The following TASP1 variants were observed in gnomAD, a reference collection of about 807,000 sequenced individuals.
TASP1 encodes the protein threonine aspartase 1.
Under a neutral mutation model 56.6 loss-of-function variants are expected in TASP1, and 16 were observed. The observed-to-expected ratio is 0.28, with a 90% CI of 0.19 to 0.43. The LOEUF (loss-of-function observed/expected upper bound fraction) is 0.43, where lower values mean the gene tolerates loss of function less well. TASP1 is among the 20% of genes least tolerant of loss of function. The pLI, the probability that TASP1 is intolerant of heterozygous loss-of-function variation, is 1.00. For missense variants in TASP1, 393 were observed against 511.6 expected, an observed-to-expected ratio of 0.77 and a Z score of 2.24; for synonymous variants, 179 against 184.2, an observed-to-expected ratio of 0.97 and a Z score of 0.23.
the TASP1 span, among the ~76,000 whole-genome samples, chr20:13,355,977 A>C: frequency 6.6e-6 from 1 of 152,254 alleles, no homozygotes; most frequent in Non-Finnish European, 1.5e-5. Context: ...TTGTAACTCA[A>C]CCACTGTTGC....
At chr20:13,149,027 G>A in the TASP1 span, among the ~76,000 whole-genome samples, 2 of 152,128 alleles carry the variant, frequency 1.3e-5, no homozygotes. Flanking sequence ...GGCTGTTCAG[G>A]TGGAGTTTGA....
intron 10 of TASP1, among the ~76,000 whole-genome samples, chr20:13,508,003 G>T (rs2044192310): frequency 6.6e-6 from 1 of 151,992 alleles, no homozygotes; most frequent in South Asian, 2.1e-4. Flanking sequence ...CAAAAATCGG[G>T]TTGAAAAAAC....
chr20:13,261,868 C>A, the TASP1 span, among the ~76,000 whole-genome samples: 4 of 152,210 alleles, frequency 2.6e-5, no homozygotes, highest in African/African-American at 9.7e-5. Context: ...TGTCCTTTGG[C>A]TTAATTTCCA....
intron 6 of TASP1, among the ~76,000 whole-genome samples, chr20:13,574,111 TG>T (rs1243862766): frequency 6.7e-6 from 1 of 148,552 alleles, no homozygotes; most frequent in Non-Finnish European, 1.5e-5. Context: ...ACAAATGAAA[TG>T]AAAGTTTAAA....
chr20:13,174,789 G>T, the TASP1 span, among the ~76,000 whole-genome samples: 3,873 of 151,970 alleles, frequency 0.025, 68 homozygotes, highest in South Asian at 0.034. Flanking sequence ...AAAATGTACA[G>T]GTCTCTTTGA....
chr20:13,241,402 A>T, the TASP1 span, among the ~76,000 whole-genome samples: 12 of 152,228 alleles, frequency 7.9e-5, no homozygotes, highest in African/African-American at 2.9e-4. Context: ...GAACGATCCA[A>T]TAGAAAGGGA....
rs187514338 is a variant in TASP1 at position 13,392,599 on chromosome 20, A to C, written c.1171-2147T>G. ...ATTCTAGGGCTATGTTTATGTAAAC[A>C]TGCAGAATCTTAAGGCACCCTGCTC... On this transcript the variant is annotated intron_variant, in intron 13 of 13. Coordinates refer to ENST00000337743, the MANE Select transcript of TASP1 (RefSeq NM_017714.3). 485 of 363,474 alleles carry C rather than the reference A, an allele frequency of 1.3e-3. 1 individual carries two copies. The highest frequency in any genetic ancestry group is 7.2e-3 in the Admixed American group (191 of 26,652). 22.5% of individuals were successfully genotyped at this position (363,474 alleles called of 1,614,324 possible).
chr20:13,504,527 A>G (rs2044060843), intron 10 of TASP1, among the ~76,000 whole-genome samples: 1 of 152,192 alleles, frequency 6.6e-6, no homozygotes, highest in Non-Finnish European at 1.5e-5. Context: ...ATCAAGGTAT[A>G]AAACTCGTTG....
the TASP1 span, among the ~76,000 whole-genome samples, chr20:13,131,016 A>G: frequency 6.6e-6 from 1 of 152,202 alleles, no homozygotes; most frequent in Non-Finnish European, 1.5e-5. Flanking sequence ...GGGATCACTC[A>G]GTGATTGAAG....
intron 4 of TASP1, among the ~76,000 whole-genome samples, chr20:13,612,463 A>C (rs6042245): frequency 6.6e-6 from 1 of 150,802 alleles, no homozygotes; most frequent in Non-Finnish European, 1.5e-5. Flanking sequence ...AAACATGATA[A>C]CCTTTTTAGA....
At chr20:13,507,149 A>G (rs565780460) in intron 10 of TASP1, among the ~76,000 whole-genome samples, 6 of 152,324 alleles carry the variant, frequency 3.9e-5, no homozygotes, top group Admixed American at 2.0e-4. Context: ...AGATATTAAG[A>G]AAATAATCCC....
At chr20:13,492,734 T>C (rs1025985440) in intron 10 of TASP1, among the ~76,000 whole-genome samples, 7 of 152,226 alleles carry the variant, frequency 4.6e-5, no homozygotes, top group Admixed American at 4.6e-4. Context: ...ACTTTGGTTA[T>C]TTATTGTAAT....
chr20:13,185,607 T>C, the TASP1 span, among the ~76,000 whole-genome samples: 4 of 152,200 alleles, frequency 2.6e-5, no homozygotes, highest in Admixed American at 6.5e-5. Flanking sequence ...GTTGCACACC[T>C]GTACTTGATT....
chr20:13,258,645 G>A, the TASP1 span, among the ~76,000 whole-genome samples: 4 of 151,958 alleles, frequency 2.6e-5, no homozygotes, highest in Admixed American at 6.5e-5. Context: ...CTCTTTTCTC[G>A]AACCTCAGTT....
chr20:13,582,527 A>T (rs1193841901), intron 5 of TASP1, among the ~76,000 whole-genome samples: 1 of 152,178 alleles, frequency 6.6e-6, no homozygotes, highest in African/African-American at 2.4e-5. Flanking sequence ...GAAAAAGAAA[A>T]ATGAAGAGTT....
At position 13,394,307 on chromosome 20, in the gene TASP1, C is replaced by CAAAAAAAAAAA. The variant is rs57418361; in HGVS notation, c.1171-3866_1171-3856dup. Among the ~76,000 whole-genome samples, 219 of 42,928 alleles carry CAAAAAAAAAAA rather than the reference C, an allele frequency of 5.1e-3. 7 individuals are homozygous for CAAAAAAAAAAA. The highest frequency in any genetic ancestry group is 0.013 in the African/African-American group (136 of 10,870). 28.2% of individuals were successfully genotyped at this position (42,928 alleles called of 152,430 possible). ...GCCACTGCACTACAGCACTCCCTCT[C>CAAAAAAAAAAA]AAAAAAAAAAAAAAAAAAAAAGGCC... On this transcript the variant is annotated intron_variant, in intron 13 of 13. Coordinates refer to ENST00000337743, the MANE Select transcript of TASP1 (RefSeq NM_017714.3).
the TASP1 span, among the ~76,000 whole-genome samples, chr20:13,129,966 T>A: frequency 6.6e-6 from 1 of 151,760 alleles, no homozygotes; most frequent in Non-Finnish European, 1.5e-5. Context: ...GAATGCTATG[T>A]GTATGGTCTG....
chr20:13,500,268 T>C (rs955365167), intron 10 of TASP1, among the ~76,000 whole-genome samples: 2 of 145,430 alleles, frequency 1.4e-5, no homozygotes, highest in East Asian at 2.0e-4. Flanking sequence ...TGTGTGTATA[T>C]ATATATATAC....
At chr20:13,144,469 C>T in the TASP1 span, among the ~76,000 whole-genome samples, 1 of 152,140 alleles carries the variant, frequency 6.6e-6, no homozygotes, top group African/African-American at 2.4e-5. Flanking sequence ...AATTGAGGCT[C>T]AGAGATGATG....
Sources: allele counts gnomAD v4.1 joint callset (sites outside exome capture counted in the v4.1 genomes callset), GRCh38; gene constraint gnomAD v4.1.1; transcripts MANE v1.5; gene names NCBI Gene and HGNC (gene_info 2026-07-23, HGNC 2026-07-21).